The following SRRM1 variants were observed in gnomAD, a reference collection of about 807,000 sequenced individuals.
SRRM1 encodes serine/arginine repetitive matrix protein 1.
In SRRM1, 19 loss-of-function variants were observed where a neutral mutation model predicts 110.2. That is an observed-to-expected ratio of 0.17 (90% confidence interval 0.12 to 0.25). SRRM1 has a LOEUF of 0.25. Among genes scored for constraint, SRRM1 ranks in the 10% least tolerant of loss-of-function variants. The probability of loss-of-function intolerance (pLI) is 1.00; values close to 1 mark genes in which losing one functional copy is unlikely to be tolerated. For synonymous variants in SRRM1, 443 were observed against 414.9 expected (o/e 1.07, Z -0.82); for missense variants, 918 against 1,145.8 (o/e 0.80, Z 2.87).
At chr1:24,668,888 ATG>A (rs1671362348) in intron 13 of SRRM1, among the ~76,000 whole-genome samples, 1 of 152,212 alleles carries the variant, frequency 6.6e-6, no homozygotes, top group Admixed American at 6.5e-5. Flanking sequence ...GTTAATCAAA[ATG>A]TCTTTTTTTC....
rs754087564 is a variant in SRRM1 at position 24,669,567 on chromosome 1, G to A, written c.2184G>A (p.Pro728=). The A allele has an allele frequency of 2.5e-6, 4 of 1,578,500 alleles. No homozygotes were observed. The highest frequency in any genetic ancestry group is 1.8e-5 in the Admixed American group (1 of 55,096). Reference sequence around the variant, plus strand: ...CCATTAGGAGAGTCTCCAGGACTCCGGAACCTAAAAAGATAAAAAAGTAAA... The same window carrying A: ...CCATTAGGAGAGTCTCCAGGACTCCAGAACCTAAAAAGATAAAAAAGTAAA... ...TRPIRRVSRT[P]EPKKIKKAAS... Residue 728 remains proline, a synonymous_variant, in exon 14 of 17, where the codon CCG becomes CCA. Transcript: ENST00000323848.
intron 1 of SRRM1, 86 bp downstream of exon 1, chr1:24,643,433 C>T: frequency 3.3e-6 from 4 of 1,226,190 alleles, no homozygotes; most frequent in Non-Finnish European, 3.3e-6. Flanking sequence ...ACAGGGTGGC[C>T]AGCGAGGGGA....
intron 12 of SRRM1, chr1:24,663,079 T>C (rs1668079686): frequency 2.7e-6 from 3 of 1,122,000 alleles, no homozygotes; most frequent in Non-Finnish European, 3.7e-6. Flanking sequence ...CTCCTGAACA[T>C]CTTTGAATAT....
At chr1:24,646,479 C>T (rs1657669820) in intron 2 of SRRM1, among the ~76,000 whole-genome samples, 188 bp from the exon 3 acceptor site, 1 of 149,410 alleles carries the variant, frequency 6.7e-6, no homozygotes, top group African/African-American at 2.5e-5. Context: ...GTGAGCTGAG[C>T]ACCACTGCAC....
At position 24,666,968 on chromosome 1, in the gene SRRM1, C is replaced by T. The variant is rs370694406; in HGVS notation, c.1739+43C>T. Reference sequence around the variant, plus strand: ...CTAACTGGAGCATCTCCCCAACTCCCCCCGCCCCTGATAACATCAGATGAG... The same window carrying T: ...CTAACTGGAGCATCTCCCCAACTCCTCCCGCCCCTGATAACATCAGATGAG... On this transcript the variant is annotated intron_variant, in intron 13 of 16. Transcript: ENST00000323848. 8.8e-5 allele frequency: 107 copies of T among 1,219,946 alleles called. No individual in the cohort carries two copies. In the African/African-American group the frequency reaches 1.5e-3, roughly 17 times the overall value. The allele number at this position is 1,219,946 out of a possible 1,614,324, so 75.6% of individuals were successfully genotyped here.
chr1:24,653,477 A>T (rs1020086346), intron 8 of SRRM1, among the ~76,000 whole-genome samples: 1 of 152,206 alleles, frequency 6.6e-6, no homozygotes, highest in Non-Finnish European at 1.5e-5. Context: ...AATTCTCATT[A>T]TAGAAGTAAT....
intron 8 of SRRM1, among the ~76,000 whole-genome samples, chr1:24,653,638 T>G (rs942210977): frequency 2.0e-5 from 3 of 152,198 alleles, no homozygotes; most frequent in Admixed American, 6.5e-5. Context: ...AGTGTTCTTT[T>G]TTTTACATCA....
In SRRM1 at chr1:24,650,088, TATC is replaced by T; in HGVS notation, c.521+5_521+7del. 6.4e-7 allele frequency: 1 copy of T among 1,562,278 alleles called. No homozygotes were observed. The highest frequency in any genetic ancestry group is 8.7e-7 in the Non-Finnish European group (1 of 1,155,740). On this transcript the variant is annotated splice_donor_5th_base_variant and intron_variant, in intron 5 of 16. Transcript: ENST00000323848. ...GGAGCGGTCTCGTAGCCCAAGAAGG[TATC>T]ATACAATAGATGCATAACTGATGTT... is the stretch of plus-strand genomic sequence containing the variant.
intron 15 of SRRM1, 47 bp downstream of exon 15, chr1:24,670,362 G>A (rs746685560): frequency 6.6e-7 from 1 of 1,507,108 alleles, no homozygotes. Flanking sequence ...ATATGTATAT[G>A]GTCACTTTGA....
intron 11 of SRRM1, among the ~76,000 whole-genome samples, chr1:24,662,299 T>C (rs1207723847): frequency 6.6e-6 from 1 of 152,078 alleles, no homozygotes. Flanking sequence ...AATACAAAGA[T>C]TAGTTAGGCA....
chr1:24,659,392 G>T (rs1665987545), intron 9 of SRRM1, among the ~76,000 whole-genome samples: 1 of 152,204 alleles, frequency 6.6e-6, no homozygotes, highest in African/African-American at 2.4e-5. Context: ...TGTATTCTGA[G>T]TCAAACATTC....
Position 24,654,845 on chromosome 1 carries a change from TA to T in SRRM1, c.1041-9del. 1.7e-5 allele frequency: 27 copies of T among 1,614,008 alleles called. No homozygotes were observed. The highest frequency in any genetic ancestry group is 2.2e-5 in the Non-Finnish European group (26 of 1,179,890). On this transcript the variant is annotated splice_polypyrimidine_tract_variant and intron_variant, in intron 8 of 16. Transcript: ENST00000323848. ...GTGCAATTAGTGAATATGAATACTT[TA>T]TTCCACAGAAGAAGACGTTCGTCAG...
At position 24,670,197 on chromosome 1, in the gene SRRM1, C is replaced by T; in HGVS notation, c.2282C>T (p.Ala761Val). Residue 761 changes from alanine to valine, a missense_variant, in exon 15 of 17, where the codon GCT (alanine) becomes GTT (valine). Physicochemically the swap from Ala to Val is moderately conservative, Grantham distance 64. Around this residue, in one of 5 missense-constraint regions of SRRM1, gnomAD observed 357 missense variants for 402.9 expected, o/e 0.89. Transcript: ENST00000323848. ...GTCTCCGGGTCTCCTGAGCCAGCAG[C>T]TAAAAAGCCCCCAGCACCTCCATCC... ...RSVSGSPEPA[A>V]KKPPAPPSPV... 6.2e-7 allele frequency: 1 copy of T among 1,614,060 alleles called. No homozygotes were observed. The highest frequency in any genetic ancestry group is 8.5e-7 in the Non-Finnish European group (1 of 1,179,996).
At chr1:24,661,216 A>G (rs1667078421) in intron 10 of SRRM1, 94 bp from the exon 11 acceptor site, 2 of 815,822 alleles carry the variant, frequency 2.5e-6, no homozygotes, top group Admixed American at 5.2e-5. Flanking sequence ...TGATCCAACC[A>G]AATGAAGGTT....
intron 8 of SRRM1, among the ~76,000 whole-genome samples, chr1:24,653,852 T>C (rs1319478511): frequency 6.6e-6 from 1 of 152,208 alleles, no homozygotes. Context: ...TGTTTGAGTC[T>C]TTTAAAGTTC....
chr1:24,644,522 C>T (rs750530484), intron 1 of SRRM1, among the ~76,000 whole-genome samples: 1 of 152,220 alleles, frequency 6.6e-6, no homozygotes, highest in African/African-American at 2.4e-5. Context: ...TCTTTGGACA[C>T]TCCGAATTGG....
intron 13 of SRRM1, among the ~76,000 whole-genome samples, chr1:24,667,965 CTTTTTTTTTT>C (rs1038405035): frequency 1.2e-4 from 8 of 68,514 alleles, no homozygotes; most frequent in South Asian, 4.6e-4. Flanking sequence ...TGCTGCCACT[CTTTTTTTTTT>C]TTTTTTTTTT....
chr1:24,657,064 T>C (rs1664535399), intron 9 of SRRM1, among the ~76,000 whole-genome samples: 1 of 152,102 alleles, frequency 6.6e-6, no homozygotes, highest in South Asian at 2.1e-4. Context: ...TTTGACCTAC[T>C]TGGAAATAAC....
At chr1:24,664,064 C>T (rs531756756) in intron 12 of SRRM1, among the ~76,000 whole-genome samples, 3 of 143,618 alleles carry the variant, frequency 2.1e-5, no homozygotes, top group South Asian at 2.2e-4. Context: ...GGTGCGACCT[C>T]GGCTCACTGC....
Sources: allele counts gnomAD v4.1 joint callset (sites outside exome capture counted in the v4.1 genomes callset), GRCh38; gene constraint gnomAD v4.1.1; regional missense constraint gnomAD v4.1.1; transcripts MANE v1.5; gene names NCBI Gene and HGNC (gene_info 2026-07-23, HGNC 2026-07-21).